Variants in RFX3 observed in about 807,000 individuals in gnomAD.
The protein encoded by RFX3 is transcription factor RFX3.
RFX3 carries 14 observed loss-of-function variants against 98.6 expected under a neutral mutation model. That is an observed-to-expected ratio of 0.14 (90% CI 0.09 to 0.22). RFX3 has a LOEUF of 0.22. Ranked by LOEUF, RFX3 falls within the 10% of genes least tolerant of loss-of-function variation. The pLI is 1.00. For missense variants in RFX3, 639 were observed against 926.9 expected (o/e 0.69, Z 4.03); for synonymous variants, 383 against 328.4 (o/e 1.17, Z -1.80).
At chr9:3,504,474 T>G (rs1460402711) in intron 1 of RFX3, among the ~76,000 whole-genome samples, 18 of 130,366 alleles carry the variant, frequency 1.4e-4, no homozygotes, top group African/African-American at 5.3e-4. Context: ...TGGTATATAT[T>G]GTATATAAAA....
rs145157623 is a variant in RFX3 at position 3,350,306 on chromosome 9, G to A, written c.118-3542C>T. Among the ~76,000 whole-genome samples, 168 of 152,216 alleles carry A rather than the reference G, an allele frequency of 1.1e-3. No homozygotes were observed. In the East Asian group the frequency reaches 0.019, roughly 18 times the overall value. On this transcript the variant is annotated intron_variant, in intron 2 of 16. Transcript: ENST00000617270. ...ACAAGCTGATTTTAAAAGGGCCAAA[G>A]ACCTTAATACAGATGACAAATAAGG...
At chr9:3,258,074 A>T (rs1390281396) in intron 13 of RFX3, among the ~76,000 whole-genome samples, 1 of 152,088 alleles carries the variant, frequency 6.6e-6, no homozygotes, top group Non-Finnish European at 1.5e-5. Flanking sequence ...GTAATATTTG[A>T]CTGGGAATGA....
At chr9:3,448,365 A>G (rs1278865262) in intron 1 of RFX3, among the ~76,000 whole-genome samples, 2 of 152,172 alleles carry the variant, frequency 1.3e-5, no homozygotes, top group African/African-American at 4.8e-5. Context: ...CAAAGTGTTA[A>G]GCGGTAATTA....
At chr9:3,375,508 C>A (rs1838360023) in intron 2 of RFX3, among the ~76,000 whole-genome samples, 1 of 152,208 alleles carries the variant, frequency 6.6e-6, no homozygotes, top group East Asian at 1.9e-4. Context: ...AATTTCACAT[C>A]ATTTTTAGTA....
At chr9:3,364,986 T>C (rs1350986842) in intron 2 of RFX3, among the ~76,000 whole-genome samples, 1 of 152,134 alleles carries the variant, frequency 6.6e-6, no homozygotes, top group African/African-American at 2.4e-5. Flanking sequence ...TTTTAAGTAA[T>C]TTTATAGAAA....
chr9:3,343,821 T>C (rs548277433), intron 3 of RFX3, among the ~76,000 whole-genome samples: 31 of 152,270 alleles, frequency 2.0e-4, no homozygotes, highest in South Asian at 4.2e-4. Context: ...ACAATTTGAG[T>C]CCACACAGAC....
At chr9:3,314,867 C>A (rs1427855611) in intron 4 of RFX3, among the ~76,000 whole-genome samples, 2 of 152,124 alleles carry the variant, frequency 1.3e-5, no homozygotes, top group African/African-American at 2.4e-5. Context: ...CACCCAGATT[C>A]ATAAAGCAAG....
intron 1 of RFX3, chr9:3,490,393 T>C: frequency 1.5e-6 from 1 of 667,682 alleles, no homozygotes; most frequent in Non-Finnish European, 1.9e-6. Context: ...AAAATGAATT[T>C]TTTGATATGT....
chr9:3,339,037 C>G (rs62526373), intron 3 of RFX3, among the ~76,000 whole-genome samples: 1 of 151,692 alleles, frequency 6.6e-6, no homozygotes, highest in Non-Finnish European at 1.5e-5. Flanking sequence ...TGCAGTGAGC[C>G]GAGATCGCAC....
Position 3,218,799 on chromosome 9 carries a change from T to A in RFX3, c.*6243A>T, listed in dbSNP as rs538082160. 6.6e-6 allele frequency: 1 copy of A among 152,154 alleles called. No homozygotes were observed. Among genetic ancestry groups the A allele is most frequent in the African/African-American group, 2.4e-5 (1 of 41,442 alleles). The allele number at this position is 152,154 out of a possible 1,614,324, so 9.4% of individuals were successfully genotyped here. On this transcript the variant is annotated 3_prime_UTR_variant, in exon 17 of 17. Transcript: ENST00000617270. The stretch of plus-strand genomic sequence containing the variant: ...TCATTTACATAATATATTCAGTCGA[T>A]TGTAAAATAAATGTTCAAATATCTC...
chr9:3,429,443 G>A (rs1457188833), intron 1 of RFX3, among the ~76,000 whole-genome samples: 2 of 150,466 alleles, frequency 1.3e-5, no homozygotes, highest in African/African-American at 4.9e-5. Flanking sequence ...TAATATAATT[G>A]TGTGTGTCTG....
intron 2 of RFX3, among the ~76,000 whole-genome samples, chr9:3,394,148 T>A (rs1451802690): frequency 6.6e-6 from 1 of 152,134 alleles, no homozygotes; most frequent in Non-Finnish European, 1.5e-5. Flanking sequence ...ATGCTAAGAT[T>A]TTTTTAAAAA....
Position 3,346,598 on chromosome 9 carries a change from G to C in RFX3, c.215+69C>G. ...CAAGGAAACAATCTGGGAATAGTGG[G>C]AGGTGTTCAAAAGTACATTATTTTT... On this transcript the variant is annotated intron_variant, in intron 3 of 16. Coordinates refer to ENST00000617270, the MANE Select transcript of RFX3 (RefSeq NM_001282116.2). 3.3e-6 allele frequency: 3 copies of C among 913,936 alleles called. No homozygotes were observed. The Admixed American group carries it at 5.1e-5, about 16-fold the overall frequency. The allele number at this position is 913,936 out of a possible 1,614,324, so 56.6% of individuals were successfully genotyped here.
intron 1 of RFX3, among the ~76,000 whole-genome samples, chr9:3,435,674 T>A (rs1024315995): frequency 9.2e-5 from 14 of 151,914 alleles, no homozygotes; most frequent in Non-Finnish European, 2.1e-4. Flanking sequence ...CACCACTGAA[T>A]CCCTACCAAT....
At chr9:3,491,085 A>C (rs1342318467) in intron 1 of RFX3, among the ~76,000 whole-genome samples, 1 of 152,168 alleles carries the variant, frequency 6.6e-6, no homozygotes, top group Non-Finnish European at 1.5e-5. Flanking sequence ...TTTAAAGGTA[A>C]AGGTGACATT....
chr9:3,435,522 G>A (rs1312153626), intron 1 of RFX3, among the ~76,000 whole-genome samples: 1 of 151,790 alleles, frequency 6.6e-6, no homozygotes, highest in Admixed American at 6.6e-5. Context: ...AACCTTAGGG[G>A]ACCACTGTCA....
At chr9:3,463,456 T>C (rs1055224066) in intron 1 of RFX3, among the ~76,000 whole-genome samples, 3 of 152,004 alleles carry the variant, frequency 2.0e-5, no homozygotes, top group African/African-American at 7.2e-5. Context: ...TAAAAATCTT[T>C]AGCACTCCAC....
chr9:3,457,167 A>G (rs938806013), intron 1 of RFX3, among the ~76,000 whole-genome samples: 40 of 150,078 alleles, frequency 2.7e-4, no homozygotes, highest in Non-Finnish European at 5.3e-4. Flanking sequence ...AAAAAAAAAA[A>G]AAAGAAAAGA....
chr9:3,301,941 G>A (rs377258415), intron 4 of RFX3, among the ~76,000 whole-genome samples: 38 of 151,926 alleles, frequency 2.5e-4, no homozygotes, highest in African/African-American at 8.7e-4. Flanking sequence ...TCATAGTTCA[G>A]GATATGGGAT....
Sources: gnomAD v4.1 joint callset for allele counts (sites outside exome capture counted in the v4.1 genomes callset) on GRCh38, gnomAD v4.1.1 for gene constraint, MANE v1.5 for transcripts, NCBI Gene and HGNC (gene_info 2026-07-23, HGNC 2026-07-21) for gene names.